The following OR1C1 variants were observed in gnomAD, a reference collection of about 807,000 sequenced individuals.
OR1C1 encodes the protein olfactory receptor 1C1.
For missense variants in OR1C1, 407 were observed against 384.3 expected (o/e 1.06, Z -0.49); for synonymous variants, 153 against 154.6 (o/e 0.99, Z 0.08).
In OR1C1 at chr1:247,757,583, G is replaced by A. The variant is rs749327060; in HGVS notation, c.824C>T (p.Thr275Ile). The A allele has an allele frequency of 6.2e-7, 1 of 1,613,998 alleles. No individual in the cohort carries two copies. The highest frequency in any genetic ancestry group is 1.1e-5 in the South Asian group (1 of 91,080). The stretch of plus-strand genomic sequence containing the variant: ...CGGAGCCACCATTGAATACATGATG[G>A]TTGACAGAGTGTCGCTCTCAGGCAT... ...PHMPESDTLS[T>I]IMYSMVAPML... The change falls in exon 2 of 2, where the codon ACC (threonine) becomes ATC (isoleucine). Residue 275 changes from threonine (T) to isoleucine (I), a missense_variant. Thr to Ile is a moderately conservative substitution (Grantham distance 89). Coordinates refer to ENST00000641256, the MANE Select transcript of OR1C1 (RefSeq NM_012353.3).
rs149959726 is a variant in OR1C1 at position 247,757,145 on chromosome 1, AT to A, written c.*316del. The A allele has an allele frequency of 0.016, 3,195 of 201,800 alleles. 109 individuals carry two copies. The highest frequency in any genetic ancestry group is 0.069 in the African/African-American group (2,998 of 43,354). 12.5% of individuals were successfully genotyped at this position (201,800 alleles called of 1,614,324 possible). On this transcript the variant is annotated 3_prime_UTR_variant, in exon 2 of 2. Transcript: ENST00000641256. ...AGGAAAATTTATCTTAATATGTAGC[AT>A]TTGGGAACTATATCACAGAGATTCT...
chr1:247,758,673 A>G, intron 1 of OR1C1: 1 of 349,364 alleles, frequency 2.9e-6, no homozygotes, highest in African/African-American at 2.0e-5. Context: ...CCCAAAAGAA[A>G]ATGCAAATTA....
chr1:247,758,264 G>C lies in OR1C1; in HGVS notation c.143C>G (p.Thr48Arg). The C allele has an allele frequency of 6.2e-7, 1 of 1,613,962 alleles. No homozygotes were observed. Among genetic ancestry groups the C allele is most frequent in the Non-Finnish European group, 8.5e-7 (1 of 1,179,966 alleles). The change falls in exon 2 of 2, where the codon ACG becomes AGG. Residue 48 changes from threonine (T) to arginine (R), a missense_variant. Thr to Arg is a moderately conservative substitution (Grantham distance 71, BLOSUM62 -1). Coordinates refer to ENST00000641256, the MANE Select transcript of OR1C1 (RefSeq NM_012353.3). ...TTLGNMLIIA[T>R]IGFDSHLHSP... ...ATGGAGGTGAGAGTCAAAGCCAATC[G>C]TCGCAATGATGAGCATGTTCCCCAA...
Position 247,758,138 on chromosome 1 carries a change from T to C in OR1C1, c.269A>G (p.Lys90Arg), listed in dbSNP as rs370966365. Residue 90 changes from lysine to arginine, a missense_variant, in exon 2 of 2, where the codon AAG becomes AGG. Transcript: ENST00000641256. ...GAGGCAGCCTGCAAAAGAGATAGTC[T>C]TGGTGCCAGTCAAGATATTCACTAC... ...QMVVNILTGT[K>R]TISFAGCLTQ... The C allele has an allele frequency of 1.9e-6, 3 of 1,613,956 alleles. No individual in the cohort carries two copies. In the African/African-American group the frequency reaches 4.0e-5, roughly 22 times the overall value.
rs746173688 is a variant in OR1C1, at chr1:247,758,186, G to A, written c.221C>T (p.Thr74Met). The stretch of plus-strand genomic sequence containing the variant: ...TACCATTTGGGGGACTGTAGTCGAC[G>A]TAAAGCAGATGTCAACAAAGGCCAA... The part of the protein sequence containing the change: ...SNLAFVDICF[T>M]STTVPQMVVN... The change falls in exon 2 of 2, where the codon ACG (threonine) becomes ATG (methionine). Residue 74 changes from threonine to methionine, a missense_variant. By Grantham distance (81) the Thr-to-Met change is moderately conservative. Transcript: ENST00000641256. The A allele has an allele frequency of 3.7e-6, 6 of 1,614,010 alleles. No homozygotes were observed. The highest frequency in any genetic ancestry group is 2.2e-5 in the East Asian group (1 of 44,872).
chr1:247,758,876 A>T (rs1403377317), intron 1 of OR1C1, among the ~76,000 whole-genome samples: 1 of 152,032 alleles, frequency 6.6e-6, no homozygotes, highest in African/African-American at 2.4e-5. Flanking sequence ...GATGGAAGAT[A>T]TCCTCATGTT....
rs1661231266 is a variant in OR1C1 at position 247,757,525 on chromosome 1, G to T, written c.882C>A (p.Asn294Lys). ...TCTGAAGTCCCCTCTTCATATCCCT[G>T]TTCCTTAGGGTATAGATGAAAGGAT... ...MLNPFIYTLRNRDMKRGLQKM... is the reference protein window; with the variant it reads ...MLNPFIYTLRKRDMKRGLQKM... The change falls in exon 2 of 2, where the codon AAC becomes AAA. Residue 294 changes from asparagine to lysine, a missense_variant. Coordinates refer to ENST00000641256, the MANE Select transcript of OR1C1 (RefSeq NM_012353.3). 1.2e-6 allele frequency: 2 copies of T among 1,613,784 alleles called. No homozygotes were observed. Among genetic ancestry groups the T allele is most frequent in the Admixed American group, 1.7e-5 (1 of 59,992 alleles).
chr1:247,759,559 A>G (rs1661293117), intron 1 of OR1C1, among the ~76,000 whole-genome samples: 1 of 152,216 alleles, frequency 6.6e-6, no homozygotes, highest in South Asian at 2.1e-4. Flanking sequence ...ACAATATTCC[A>G]AGAGTTATCT....
At chr1:247,758,542 T>A in intron 1 of OR1C1, 123 bp from the exon 2 acceptor site, 2 of 600,608 alleles carry the variant, frequency 3.3e-6, no homozygotes, top group South Asian at 4.3e-5. Flanking sequence ...GTAAGTAGCA[T>A]CCAAACTTGC....
rs1236069500 is a variant in OR1C1, at chr1:247,757,282, G to A, written c.*180C>T. The A allele has an allele frequency of 3.5e-6, 2 of 579,590 alleles. No homozygotes were observed. The highest frequency in any genetic ancestry group is 3.0e-5 in the Admixed American group (1 of 33,090). The allele number at this position is 579,590 out of a possible 1,614,324, so 35.9% of individuals were successfully genotyped here. ...ACTTTCTGTATAAAGAATGCTATAT[G>A]GTTTTTATATATTTACTCAGAGGAT... On this transcript the variant is annotated 3_prime_UTR_variant, in exon 2 of 2. Transcript: ENST00000641256.
At position 247,757,530 on chromosome 1, in the gene OR1C1, T is replaced by C. The variant is rs1352290179; in HGVS notation, c.877A>G (p.Arg293Gly). 3.7e-6 allele frequency: 6 copies of C among 1,613,984 alleles called. No homozygotes were observed. The highest frequency in any genetic ancestry group is 1.7e-6 in the Non-Finnish European group (2 of 1,179,980). ...AGTCCCCTCTTCATATCCCTGTTCC[T>C]TAGGGTATAGATGAAAGGATTCAGC... Reference protein sequence around the residue: ...PMLNPFIYTLRNRDMKRGLQK... With the variant: ...PMLNPFIYTLGNRDMKRGLQK... The change falls in exon 2 of 2, where the codon AGG becomes GGG. Residue 293 changes from arginine (R) to glycine (G), a missense_variant. Physicochemically the swap from Arg to Gly is moderately radical, Grantham distance 125. Coordinates refer to ENST00000641256, the MANE Select transcript of OR1C1 (RefSeq NM_012353.3).
Position 247,758,160 on chromosome 1 carries a change from C to T in OR1C1, c.247G>A (p.Val83Met), listed in dbSNP as rs1166149167. The T allele has an allele frequency of 1.9e-6, 3 of 1,614,110 alleles. No homozygotes were observed. In the South Asian group the frequency reaches 3.3e-5, roughly 18 times the overall value. The part of the protein sequence containing the change: ...FTSTTVPQMV[V>M]NILTGTKTIS... ...GTCTTGGTGCCAGTCAAGATATTCA[C>T]TACCATTTGGGGGACTGTAGTCGAC... Residue 83 changes from valine to methionine, a missense_variant, in exon 2 of 2, where the codon GTG becomes ATG. Val to Met is a conservative substitution (Grantham distance 21). Coordinates refer to ENST00000641256, the MANE Select transcript of OR1C1 (RefSeq NM_012353.3).
intron 1 of OR1C1, chr1:247,758,764 GTTAT>G (rs1661280156): frequency 1.7e-5 from 3 of 177,500 alleles, no homozygotes; most frequent in Non-Finnish European, 2.4e-5. Flanking sequence ...TATATATAAG[GTTAT>G]TTGTTATTTT....
rs1382390571 is a variant in OR1C1 at position 247,756,916 on chromosome 1, CAT to C, written c.*544_*545del. The C allele has an allele frequency of 6.5e-6, 1 of 153,366 alleles. No individual in the cohort carries two copies. The highest frequency in any genetic ancestry group is 1.9e-4 in the East Asian group (1 of 5,202). 9.5% of individuals were successfully genotyped at this position (153,366 alleles called of 1,614,324 possible). On this transcript the variant is annotated 3_prime_UTR_variant, in exon 2 of 2. Transcript: ENST00000641256. This position sits in a 1 kb window ranked among gnomAD's most constrained non-coding sequence, Gnocchi z 4.3. ...CAGTTAGGGACACACATGACAAGGA[CAT>C]GTGTCAATAGAATAAAATCATTGAC... is the stretch of plus-strand genomic sequence containing the variant.
intron 1 of OR1C1, among the ~76,000 whole-genome samples, chr1:247,759,400 G>A (rs114511395): frequency 0.014 from 2,149 of 152,152 alleles, 65 homozygotes; most frequent in African/African-American, 0.049. Context: ...CTTCCCAAAC[G>A]TTCTCCTTGA....
Position 247,754,993 on chromosome 1 carries a change from A to G in OR1C1, c.*2469T>C, listed in dbSNP as rs535177822. On this transcript the variant is annotated 3_prime_UTR_variant, in exon 2 of 2. Coordinates refer to ENST00000641256, the MANE Select transcript of OR1C1 (RefSeq NM_012353.3). ...GCATGGTACTGGCATAAAAATAGACACATAGAAATAAATTGATACATTCAT... is the reference window on the plus strand; with the variant it reads ...GCATGGTACTGGCATAAAAATAGACGCATAGAAATAAATTGATACATTCAT... 1 of 152,332 alleles carries G rather than the reference A, an allele frequency of 6.6e-6. No individual in the cohort carries two copies. Among genetic ancestry groups the G allele is most frequent in the South Asian group, 2.1e-4 (1 of 4,830 alleles). 9.4% of individuals were successfully genotyped at this position (152,332 alleles called of 1,614,324 possible).
At position 247,758,103 on chromosome 1, in the gene OR1C1, A is replaced by G; in HGVS notation, c.304T>C (p.Phe102Leu). Residue 102 changes from phenylalanine (F) to leucine (L), a missense_variant, in exon 2 of 2, where the codon TTC (phenylalanine) becomes CTC (leucine). Coordinates refer to ENST00000641256, the MANE Select transcript of OR1C1 (RefSeq NM_012353.3). Reference sequence around the variant, plus strand: ...ATATTCACAAAAGAAACGAAGAAGAAGAGCTGGGTGAGGCAGCCTGCAAAA... The same window carrying G: ...ATATTCACAAAAGAAACGAAGAAGAGGAGCTGGGTGAGGCAGCCTGCAAAA... Reference protein sequence around the residue: ...ISFAGCLTQLFFFVSFVNMDS... With the variant: ...ISFAGCLTQLLFFVSFVNMDS... 6.2e-7 allele frequency: 1 copy of G among 1,614,146 alleles called. No individual in the cohort carries two copies. Among genetic ancestry groups the G allele is most frequent in the East Asian group, 2.2e-5 (1 of 44,878 alleles).
At position 247,757,236 on chromosome 1, in the gene OR1C1, TA is replaced by T. The variant is rs1661225727; in HGVS notation, c.*225del. Reference sequence around the variant, plus strand: ...TATCAGCTATGGGTTGTATGCAGACTATTTAACTTCCCTAAGATTCACTTTC... The same window carrying T: ...TATCAGCTATGGGTTGTATGCAGACTTTTAACTTCCCTAAGATTCACTTTC... On this transcript the variant is annotated 3_prime_UTR_variant, in exon 2 of 2. Coordinates refer to ENST00000641256, the MANE Select transcript of OR1C1 (RefSeq NM_012353.3). The T allele has an allele frequency of 6.0e-6, 3 of 497,368 alleles. No homozygotes were observed. Among genetic ancestry groups the T allele is most frequent in the African/African-American group, 5.7e-5 (3 of 52,238 alleles). The allele number at this position is 497,368 out of a possible 1,614,324, so 30.8% of individuals were successfully genotyped here.
Position 247,760,455 on chromosome 1 carries a change from A to C in OR1C1, c.-57T>G, listed in dbSNP as rs1207057005. 1 of 152,160 alleles carries C rather than the reference A, an allele frequency of 6.6e-6. No homozygotes were observed. Among genetic ancestry groups the C allele is most frequent in the Non-Finnish European group, 1.5e-5 (1 of 68,020 alleles). The allele number at this position is 152,160 out of a possible 1,614,324, so 9.4% of individuals were successfully genotyped here. ...CCACCTATGACTTTTCTCTTTCCTG[A>C]ATATCCAATCACAAAAGCATAGATG... On this transcript the variant is annotated 5_prime_UTR_variant, in exon 1 of 2. In the 5' UTR this introduces an upstream ATG that the reference lacks. Coordinates refer to ENST00000641256, the MANE Select transcript of OR1C1 (RefSeq NM_012353.3).
Sources: allele counts gnomAD v4.1 joint callset (sites outside exome capture counted in the v4.1 genomes callset), GRCh38; gene constraint gnomAD v4.1.1; non-coding constraint Gnocchi (gnomAD v3.1); transcripts MANE v1.5; gene names NCBI Gene and HGNC (gene_info 2026-07-23, HGNC 2026-07-21).